Variants in TBCE observed in about 807,000 individuals in gnomAD.
TBCE encodes the protein tubulin folding cofactor E.
In TBCE, 53 loss-of-function variants were observed where a neutral mutation model predicts 77.0. The ratio of observed to expected loss-of-function variants is 0.69; its 90% confidence interval spans 0.55 to 0.87. The LOEUF (loss-of-function observed/expected upper bound fraction) is 0.87. Among genes scored for constraint, TBCE ranks in the 40% least tolerant of loss-of-function variants. The probability of loss-of-function intolerance (pLI) is 0.00; values close to 1 mark genes in which losing one functional copy is unlikely to be tolerated. For missense variants in TBCE, 624 were observed against 622.4 expected, an observed-to-expected ratio of 1.00 and a Z score of -0.03; for synonymous variants, 235 against 241.3, an observed-to-expected ratio of 0.97 and a Z score of 0.24.
intron 1 of TBCE, among the ~76,000 whole-genome samples, chr1:235,377,841 C>A (rs10925560): frequency 6.6e-6 from 1 of 151,674 alleles, no homozygotes; most frequent in African/African-American, 2.4e-5. Context: ...TTAGTAGAGA[C>A]GGGGTTTCAC....
intron 13 of TBCE, 134 bp downstream of exon 13, chr1:235,439,056 A>G: frequency 7.8e-7 from 1 of 1,287,958 alleles, no homozygotes; most frequent in Non-Finnish European, 1.1e-6. Context: ...TATTCATCTG[A>G]ATGGACTATA....
rs769515505 is a variant in TBCE, at chr1:235,427,177, A to T, written c.498A>T (p.Ser166=). The change falls in exon 6 of 17, where the codon TCA becomes TCT. Residue 166 remains serine, a synonymous_variant. Transcript: ENST00000642610. ...TAGATTTGTCAAAAAACCTGTTGTCATCATGGGATGAAGTGATACACATTG... is the reference window on the plus strand; with the variant it reads ...TAGATTTGTCAAAAAACCTGTTGTCTTCATGGGATGAAGTGATACACATTG... The part of the protein sequence containing the change: ...RKVDLSKNLL[S]SWDEVIHIAD... 1 of 1,614,120 alleles carries T rather than the reference A, an allele frequency of 6.2e-7. No homozygotes were observed. The highest frequency in any genetic ancestry group is 1.1e-5 in the South Asian group (1 of 91,088).
intron 2 of TBCE, among the ~76,000 whole-genome samples, chr1:235,381,762 C>T (rs1031021686): frequency 1.4e-5 from 2 of 148,142 alleles, no homozygotes; most frequent in African/African-American, 5.0e-5. Context: ...TAAAGTGCAG[C>T]AAGAATAATT....
At chr1:235,447,080 T>TCAAA (rs1372659446) in intron 15 of TBCE, among the ~76,000 whole-genome samples, 14 of 152,160 alleles carry the variant, frequency 9.2e-5, no homozygotes, top group African/African-American at 2.9e-4. Context: ...TCACCAGCCT[T>TCAAA]CAAACAATGA....
intron 2 of TBCE, among the ~76,000 whole-genome samples, chr1:235,381,615 G>A (rs1677646351): frequency 6.7e-6 from 1 of 148,224 alleles, no homozygotes; most frequent in South Asian, 2.1e-4. Context: ...AACCTGGGAG[G>A]TGGAGGTTGC....
At chr1:235,375,881 G>GA (rs879267409) in intron 1 of TBCE, among the ~76,000 whole-genome samples, 107 of 148,702 alleles carry the variant, frequency 7.2e-4, no homozygotes, top group African/African-American at 2.1e-3. Flanking sequence ...CATCTCTATT[G>GA]AAAAAAAAAA....
In TBCE at chr1:235,434,500, A is replaced by G. The variant is rs570628551; in HGVS notation, c.737+220A>G. The stretch of plus-strand genomic sequence containing the variant: ...AAATATTTGTGAAGACATGAGTTAT[A>G]TTAGTTTTGCATCAGTGTATTAACT... On this transcript the variant is annotated intron_variant, in intron 8 of 16. Coordinates refer to ENST00000642610, the MANE Select transcript of TBCE (RefSeq NM_003193.5). Among the ~76,000 whole-genome samples the G allele has an allele frequency of 3.9e-5, 6 of 152,030 alleles. No homozygotes were observed. The South Asian group carries it at 1.2e-3, about 32-fold the overall frequency.
chr1:235,389,453 G>A (rs539874671), intron 2 of TBCE, among the ~76,000 whole-genome samples: 33 of 151,954 alleles, frequency 2.2e-4, no homozygotes, highest in Non-Finnish European at 3.8e-4. Context: ...TCAGCCTCCC[G>A]AGTAGCTGGG....
intron 15 of TBCE, among the ~76,000 whole-genome samples, chr1:235,446,365 C>T (rs977010172): frequency 5.9e-5 from 9 of 152,054 alleles, no homozygotes; most frequent in Admixed American, 1.3e-4. Flanking sequence ...TTAGTAGAGA[C>T]GGGGTTTCTC....
chr1:235,401,048 A>G (rs1348675355), intron 2 of TBCE, among the ~76,000 whole-genome samples: 1 of 151,696 alleles, frequency 6.6e-6, no homozygotes, highest in African/African-American at 2.4e-5. Flanking sequence ...TACATAACAT[A>G]AAGTTTGCCA....
chr1:235,376,698 C>T (rs533550464), intron 1 of TBCE, among the ~76,000 whole-genome samples: 12 of 152,010 alleles, frequency 7.9e-5, no homozygotes, highest in South Asian at 2.1e-4. Flanking sequence ...CTAAACTGGC[C>T]GGCACAGTGG....
intron 3 of TBCE, among the ~76,000 whole-genome samples, chr1:235,413,136 C>T (rs1052139974): frequency 5.3e-5 from 8 of 152,114 alleles, no homozygotes; most frequent in African/African-American, 1.7e-4. Context: ...GGTCTGATTT[C>T]TTTCTTTAAG....
intron 2 of TBCE, among the ~76,000 whole-genome samples, chr1:235,391,724 A>G (rs1445364839): frequency 2.1e-5 from 3 of 143,912 alleles, no homozygotes; most frequent in Non-Finnish European, 3.0e-5. Flanking sequence ...CTCCTCCCTC[A>G]GCCTCCCAAG....
At chr1:235,439,590 T>G (rs1464159820) in intron 13 of TBCE, among the ~76,000 whole-genome samples, 17 of 141,918 alleles carry the variant, frequency 1.2e-4, no homozygotes, top group Admixed American at 9.3e-4. Context: ...CGGGTTCAAT[T>G]TATTCTCCTG....
Position 235,450,073 on chromosome 1 carries a change from T to C in TBCE, c.*1311T>C, listed in dbSNP as rs1682797836. ...ACATTAAGAAACACCGCATTGGTTC[T>C]GGGTGAAAGTGCCAGTCTGGAACTC... On this transcript the variant is annotated 3_prime_UTR_variant, in exon 17 of 17. Transcript: ENST00000642610. 3.7e-6 allele frequency: 4 copies of C among 1,085,638 alleles called. No individual in the cohort carries two copies. The South Asian group carries it at 6.4e-5, about 17-fold the overall frequency. The allele number at this position is 1,085,638 out of a possible 1,614,324, so 67.3% of individuals were successfully genotyped here.
rs754330018 is a variant in TBCE, at chr1:235,441,889, A to T, written c.1339+7A>T. On this transcript the variant is annotated splice_region_variant and intron_variant, in intron 14 of 16. Coordinates refer to ENST00000642610, the MANE Select transcript of TBCE (RefSeq NM_003193.5). The stretch of plus-strand genomic sequence containing the variant: ...CTGAAAAACCAGCTACTAAGTAAGA[A>T]TCTCAGATTCAAATAGTTTATTTGT... 64 of 1,613,266 alleles carry T rather than the reference A, an allele frequency of 4.0e-5. No homozygotes were observed. Among genetic ancestry groups the T allele is most frequent in the Non-Finnish European group, 5.3e-5 (63 of 1,179,466 alleles).
rs1682703320 is a variant in TBCE, at chr1:235,448,981, C to CTTAT, written c.*222_*225dup. Reference sequence around the variant, plus strand: ...TTGAACCTACTAATGATTTTCTGATCTTATTTCATATTTATTTTTACAGCT... The same window carrying CTTAT: ...TTGAACCTACTAATGATTTTCTGATCTTATTTATTTCATATTTATTTTTACAGCT... On this transcript the variant is annotated 3_prime_UTR_variant, in exon 17 of 17. Coordinates refer to ENST00000642610, the MANE Select transcript of TBCE (RefSeq NM_003193.5). 4.3e-6 allele frequency: 2 copies of CTTAT among 465,248 alleles called. No individual in the cohort carries two copies. The highest frequency in any genetic ancestry group is 4.3e-5 in the South Asian group (2 of 47,026). 28.8% of individuals were successfully genotyped at this position (465,248 alleles called of 1,614,324 possible). A position where few individuals can be genotyped will look rare whatever the true frequency, so the allele number is the denominator to read the frequency against.
At chr1:235,428,766 C>T (rs1680895311) in intron 6 of TBCE, among the ~76,000 whole-genome samples, 1 of 150,858 alleles carries the variant, frequency 6.6e-6, no homozygotes, top group Admixed American at 6.6e-5. Context: ...GCCTCAGCCT[C>T]CTGAGTAGCT....
chr1:235,393,035 C>T (rs1190090289), intron 2 of TBCE, among the ~76,000 whole-genome samples: 1 of 151,830 alleles, frequency 6.6e-6, no homozygotes, highest in Non-Finnish European at 1.5e-5. Context: ...TCTGCTTTAG[C>T]TTTTTTCTTG....
Sources: allele counts gnomAD v4.1 joint callset (sites outside exome capture counted in the v4.1 genomes callset), GRCh38; gene constraint gnomAD v4.1.1; transcripts MANE v1.5; gene names NCBI Gene and HGNC (gene_info 2026-07-23, HGNC 2026-07-21).